GRID1: variants seen among roughly 807,000 people sequenced by gnomAD.
GRID1 encodes glutamate ionotropic receptor delta type subunit 1.
In GRID1, 28 loss-of-function variants were observed where a neutral mutation model predicts 98.0. The observed-to-expected ratio is 0.29, with a 90% CI of 0.21 to 0.39. The LOEUF (loss-of-function observed/expected upper bound fraction) is 0.39, where lower values mean the gene tolerates loss of function less well. Ranked by LOEUF, GRID1 falls within the 10% of genes least tolerant of loss-of-function variation. GRID1 has a pLI of 1.00. For missense variants in GRID1, 1,111 were observed against 1,340.5 expected (o/e 0.83, Z 2.67); for synonymous variants, 553 against 538.5 (o/e 1.03, Z -0.37).
intron 8 of GRID1, among the ~76,000 whole-genome samples, chr10:85,776,430 C>T (rs1434630808): frequency 6.6e-6 from 1 of 152,224 alleles, no homozygotes; most frequent in Admixed American, 6.5e-5. Flanking sequence ...TACTCTCCCA[C>T]CTTCTCCACT....
At chr10:85,746,338 A>G (rs1841997033) in intron 8 of GRID1, among the ~76,000 whole-genome samples, 3 of 152,214 alleles carry the variant, frequency 2.0e-5, no homozygotes, top group South Asian at 4.1e-4. Flanking sequence ...CATTATAGCC[A>G]TCAGAAGCAG....
chr10:86,334,556 A>G (rs1848197548), intron 2 of GRID1, among the ~76,000 whole-genome samples: 2 of 152,200 alleles, frequency 1.3e-5, no homozygotes, highest in Non-Finnish European at 1.5e-5. Flanking sequence ...CTGAAGTAGA[A>G]GAAAGGCATT....
intron 2 of GRID1, among the ~76,000 whole-genome samples, chr10:86,225,238 T>C (rs576027035): frequency 6.6e-6 from 1 of 152,092 alleles, no homozygotes; most frequent in South Asian, 2.1e-4. Flanking sequence ...GAGCCCGAGG[T>C]AAACCACAGA....
intron 4 of GRID1, among the ~76,000 whole-genome samples, chr10:85,935,004 T>C (rs557557937): frequency 2.0e-5 from 3 of 152,366 alleles, no homozygotes; most frequent in South Asian, 4.1e-4. Context: ...AGACCAGGTA[T>C]AGACTTCATA....
intron 10 of GRID1, 124 bp from the exon 11 acceptor site, chr10:85,724,800 G>A (rs1311637912): frequency 6.0e-6 from 4 of 670,202 alleles, no homozygotes; most frequent in Non-Finnish European, 5.0e-6. Context: ...TTGAGAGCTG[G>A]CACCCTGAGA....
chr10:86,203,008 T>C (rs1212484353), intron 3 of GRID1, among the ~76,000 whole-genome samples: 1 of 152,210 alleles, frequency 6.6e-6, no homozygotes, highest in Non-Finnish European at 1.5e-5. Flanking sequence ...CTTGGCTAAA[T>C]GCATGGGTAC....
In GRID1 at chr10:86,206,766, C is replaced by T. The variant is rs1481281292; in HGVS notation, c.236-118G>A. On this transcript the variant is annotated intron_variant, in intron 2 of 15. Transcript: ENST00000327946. This position sits in a 1 kb window ranked among gnomAD's most constrained non-coding sequence, Gnocchi z 4.1. ...CCAGGACTCCCAAGAGAGGCTGCCTCCCTCCAGGACCAAGAACCATCCTGG... is the reference window on the plus strand; with the variant it reads ...CCAGGACTCCCAAGAGAGGCTGCCTTCCTCCAGGACCAAGAACCATCCTGG... The T allele has an allele frequency of 1.1e-6, 1 of 888,080 alleles. No homozygotes were observed. Among genetic ancestry groups the T allele is most frequent in the Non-Finnish European group, 1.7e-6 (1 of 587,892 alleles). 55.0% of individuals were successfully genotyped at this position (888,080 alleles called of 1,614,324 possible).
intron 2 of GRID1, among the ~76,000 whole-genome samples, chr10:86,341,290 C>T (rs926730210): frequency 1.1e-4 from 17 of 152,256 alleles, no homozygotes; most frequent in African/African-American, 2.4e-4. Flanking sequence ...ACCCTACCAC[C>T]GACAGGGAGC....
chr10:86,277,016 A>C (rs1477365796), intron 2 of GRID1, among the ~76,000 whole-genome samples: 1 of 152,224 alleles, frequency 6.6e-6, no homozygotes, highest in Non-Finnish European at 1.5e-5. Flanking sequence ...AGTCATCAAA[A>C]TCATAGAGAC....
chr10:85,725,472 A>G (rs2132653591), intron 10 of GRID1, among the ~76,000 whole-genome samples: 1 of 152,282 alleles, frequency 6.6e-6, no homozygotes, highest in Middle Eastern at 3.4e-3. Context: ...CAGAAACCCC[A>G]TTAAGATGGA....
intron 4 of GRID1, among the ~76,000 whole-genome samples, chr10:85,923,534 C>G (rs1841734566): frequency 6.6e-6 from 1 of 152,046 alleles, no homozygotes; most frequent in South Asian, 2.1e-4. Flanking sequence ...CTCATCCAGC[C>G]CAGACCCTGA....
chr10:85,713,935 G>A (rs566749032), intron 12 of GRID1, among the ~76,000 whole-genome samples: 11 of 151,962 alleles, frequency 7.2e-5, no homozygotes, highest in South Asian at 4.2e-4. Context: ...TGCAAGATCA[G>A]GAACAAAACA....
chr10:85,778,232 C>T (rs549363956), intron 8 of GRID1, among the ~76,000 whole-genome samples: 5 of 152,114 alleles, frequency 3.3e-5, no homozygotes, highest in South Asian at 4.2e-4. Context: ...GAGATGAACC[C>T]GTGTCTGGCA....
intron 4 of GRID1, among the ~76,000 whole-genome samples, chr10:86,003,238 C>T (rs1229316125): frequency 6.6e-6 from 1 of 152,180 alleles, no homozygotes; most frequent in East Asian, 1.9e-4. Context: ...CAGGAGGCAG[C>T]TGCCCTCACT....
intron 8 of GRID1, among the ~76,000 whole-genome samples, chr10:85,788,262 T>C (rs576747346): frequency 2.0e-5 from 3 of 152,172 alleles, no homozygotes; most frequent in African/African-American, 4.8e-5. Context: ...TTATAAAACA[T>C]GGCCAAGGCA....
intron 2 of GRID1, among the ~76,000 whole-genome samples, chr10:86,296,800 TACATACA>T (rs1847599460): frequency 1.6e-5 from 2 of 122,982 alleles, no homozygotes; most frequent in Non-Finnish European, 3.2e-5. Context: ...CATACATACA[TACATACA>T]TACATACATA....
chr10:85,733,060 G>A (rs142483431), intron 8 of GRID1, among the ~76,000 whole-genome samples: 217 of 152,268 alleles, frequency 1.4e-3, no homozygotes, highest in African/African-American at 4.9e-3. Context: ...TGTAGATATT[G>A]TACACAGAAT....
intron 8 of GRID1, among the ~76,000 whole-genome samples, chr10:85,746,081 C>T (rs1475868862): frequency 1.3e-5 from 2 of 152,132 alleles, no homozygotes; most frequent in South Asian, 2.1e-4. Flanking sequence ...CTATCACTGC[C>T]TTACCTTCAT....
intron 2 of GRID1, among the ~76,000 whole-genome samples, chr10:86,311,717 T>A (rs954249225): frequency 6.6e-6 from 1 of 152,210 alleles, no homozygotes; most frequent in African/African-American, 2.4e-5. Flanking sequence ...ACTGGCAGTT[T>A]AGGCATGGTG....
Sources: allele counts gnomAD v4.1 joint callset (sites outside exome capture counted in the v4.1 genomes callset), GRCh38; gene constraint gnomAD v4.1.1; non-coding constraint Gnocchi (gnomAD v3.1); transcripts MANE v1.5; gene names NCBI Gene and HGNC (gene_info 2026-07-23, HGNC 2026-07-21).